The following AFF2 variants were observed in gnomAD, a reference collection of about 807,000 sequenced individuals.
The protein encoded by AFF2 is ALF transcription elongation factor 2.
A neutral mutation model predicts 76.9 loss-of-function variants in AFF2; 14 were observed. That is an observed-to-expected ratio of 0.18 (90% CI 0.12 to 0.28). AFF2 has a LOEUF of 0.28. Ranked by LOEUF, AFF2 falls within the 10% of genes least tolerant of loss-of-function variation. AFF2 has a pLI of 1.00. For synonymous variants in AFF2, 398 were observed against 366.7 expected (o/e 1.09, Z -0.98); for missense variants, 868 against 1,001.1 (o/e 0.87, Z 1.79).
intron 4 of AFF2, among the ~76,000 whole-genome samples, chrX:148,815,040 C>T (rs980918412): frequency 1.8e-5 from 2 of 111,695 alleles, no homozygotes; most frequent in Non-Finnish European, 3.8e-5. Context: ...TTCATGCAAA[C>T]GATTTTCTAT....
At position 148,966,775 on chromosome X, in the gene AFF2, C is replaced by G. The variant is rs1204837598; in HGVS notation, c.2914-15C>G. On this transcript the variant is annotated splice_polypyrimidine_tract_variant and intron_variant, in intron 13 of 20. Coordinates refer to ENST00000370460, the MANE Select transcript of AFF2 (RefSeq NM_002025.4). ...GCTGGACCTAATGGAAACTATTTGT[C>G]CTCCTTTTTCCCAGGAGGGAGACAC... 2 of 1,203,785 alleles carry G rather than the reference C, an allele frequency of 1.7e-6. No individual in the cohort carries two copies. The highest frequency in any genetic ancestry group is 4.4e-5 in the Admixed American group (2 of 45,403).
At chrX:148,566,753 T>G (rs1182954217) in intron 1 of AFF2, among the ~76,000 whole-genome samples, 1 of 111,226 alleles carries the variant, frequency 9.0e-6, no homozygotes, top group African/African-American at 3.3e-5. Context: ...GTTCACCTCT[T>G]GGGATCTTTG....
At chrX:148,764,457 T>G (rs1557267541) in intron 3 of AFF2, among the ~76,000 whole-genome samples, 1 of 112,468 alleles carries the variant, frequency 8.9e-6, no homozygotes, top group Non-Finnish European at 1.9e-5. Flanking sequence ...ACTATGGACA[T>G]GCAAATTTGT....
intron 3 of AFF2, among the ~76,000 whole-genome samples, chrX:148,670,288 G>A (rs241116): frequency 0.25 from 27,410 of 110,471 alleles, 2,813 homozygotes; most frequent in African/African-American, 0.39. Flanking sequence ...TTTGTCAGTC[G>A]GGGACACATA....
chrX:148,833,568 C>T, intron 4 of AFF2, among the ~76,000 whole-genome samples: 1 of 105,585 alleles, frequency 9.5e-6, no homozygotes, highest in Non-Finnish European at 1.9e-5. Flanking sequence ...CGCCACTGCA[C>T]TCCAGCCTGG....
At chrX:148,703,531 C>G (rs782073768) in intron 3 of AFF2, among the ~76,000 whole-genome samples, 1 of 112,055 alleles carries the variant, frequency 8.9e-6, no homozygotes, top group Non-Finnish European at 1.9e-5. Context: ...TAGGTTTATT[C>G]TAGGTGAGGC....
rs1485573568 is a variant in AFF2, at chrX:148,899,946, A to T, written c.1360-4275A>T. ...CCCCCAAAAGATTCTCACATTTTCT[A>T]TAAATATATATATATATAACCCCCA... On this transcript the variant is annotated intron_variant, in intron 8 of 20. Coordinates refer to ENST00000370460, the MANE Select transcript of AFF2 (RefSeq NM_002025.4). 4.5e-5 allele frequency among the ~76,000 whole-genome samples: 5 copies of T among 110,271 alleles called. No individual in the cohort carries two copies. The East Asian group carries it at 1.4e-3, about 31-fold the overall frequency.
intron 9 of AFF2, among the ~76,000 whole-genome samples, chrX:148,912,731 C>T (rs1326878105): frequency 8.9e-6 from 1 of 112,259 alleles, no homozygotes; most frequent in African/African-American, 3.2e-5. Context: ...CAGTGTGACA[C>T]TGTAAGTTGT....
intron 1 of AFF2, among the ~76,000 whole-genome samples, chrX:148,505,122 T>C (rs193147141): frequency 8.9e-6 from 1 of 112,126 alleles, no homozygotes; most frequent in Admixed American, 9.4e-5. Flanking sequence ...TTTTCTTTGC[T>C]AGTACAGTAT....
chrX:148,950,288 T>C (rs1375737162), intron 9 of AFF2, among the ~76,000 whole-genome samples: 3 of 112,217 alleles, frequency 2.7e-5, no homozygotes, highest in Non-Finnish European at 5.6e-5. Flanking sequence ...CTTACATTCC[T>C]TAGCAGACTG....
chrX:148,709,207 A>G lies in AFF2; in HGVS notation c.1041+46439A>G, dbSNP rs1447971260. ...TTTTTCTGTGAATAAAACTTATTCAATAAAATACTAAAAAAATTTTTTTAG... is the reference window on the plus strand; with the variant it reads ...TTTTTCTGTGAATAAAACTTATTCAGTAAAATACTAAAAAAATTTTTTTAG... On this transcript the variant is annotated intron_variant, in intron 3 of 20. Transcript: ENST00000370460. Among the ~76,000 whole-genome samples, 3 of 112,054 alleles carry G rather than the reference A, an allele frequency of 2.7e-5. No individual in the cohort carries two copies. In the Admixed American group the frequency reaches 2.9e-4, roughly 11 times the overall value.
At chrX:148,782,507 T>C (rs1557269167) in intron 3 of AFF2, among the ~76,000 whole-genome samples, 1 of 112,184 alleles carries the variant, frequency 8.9e-6, no homozygotes, top group East Asian at 2.8e-4. Context: ...CAAATCAGAT[T>C]CACAGTTAAT....
intron 3 of AFF2, among the ~76,000 whole-genome samples, chrX:148,805,721 T>C (rs1243519626): frequency 8.9e-6 from 1 of 112,892 alleles, no homozygotes; most frequent in Non-Finnish European, 1.9e-5. Flanking sequence ...AGATAATTTG[T>C]GTGTGGTCTC....
At chrX:148,763,272 CG>C (rs1569555106) in intron 3 of AFF2, among the ~76,000 whole-genome samples, 3 of 111,570 alleles carry the variant, frequency 2.7e-5, no homozygotes, top group Non-Finnish European at 5.7e-5. Context: ...GGCTTTTCCA[CG>C]GGAGTACAAA....
At chrX:148,798,157 GGAGA>G (rs1305244772) in intron 3 of AFF2, among the ~76,000 whole-genome samples, 5 of 109,826 alleles carry the variant, frequency 4.6e-5, no homozygotes, top group African/African-American at 6.6e-5. Flanking sequence ...TGGAGGTTGG[GGAGA>G]GAGAGAGAGA....
intron 1 of AFF2, among the ~76,000 whole-genome samples, chrX:148,509,475 A>G (rs2052459211): frequency 8.9e-6 from 1 of 112,155 alleles, no homozygotes; most frequent in South Asian, 3.7e-4. Flanking sequence ...ACACAGACCA[A>G]CATTTGCTGA....
At chrX:148,523,965 A>C (rs909333498) in intron 1 of AFF2, among the ~76,000 whole-genome samples, 1 of 111,326 alleles carries the variant, frequency 9.0e-6, no homozygotes, top group Middle Eastern at 4.2e-3. Context: ...TGGCTCTTAG[A>C]TGTCGGGCAG....
At chrX:148,735,041 C>A (rs1264459912) in intron 3 of AFF2, among the ~76,000 whole-genome samples, 1 of 111,976 alleles carries the variant, frequency 8.9e-6, no homozygotes, top group African/African-American at 3.2e-5. Flanking sequence ...TATTAGGCAT[C>A]GATTCATATA....
chrX:148,524,824 A>T (rs1212199338), intron 1 of AFF2, among the ~76,000 whole-genome samples: 3 of 112,136 alleles, frequency 2.7e-5, no homozygotes, highest in African/African-American at 9.7e-5. Flanking sequence ...TTCCTTTACT[A>T]AGGGCTGTAA....
Sources: gnomAD v4.1 joint callset for allele counts (sites outside exome capture counted in the v4.1 genomes callset) on GRCh38, gnomAD v4.1.1 for gene constraint, MANE v1.5 for transcripts, NCBI Gene and HGNC (gene_info 2026-07-23, HGNC 2026-07-21) for gene names.